Variants in PTPRN2 observed in about 807,000 individuals in gnomAD.
The protein encoded by PTPRN2 is protein tyrosine phosphatase receptor type N2.
PTPRN2 carries 74 observed loss-of-function variants against 118.8 expected under a neutral mutation model. The observed-to-expected ratio is 0.62, with a 90% CI of 0.52 to 0.76. The LOEUF is 0.76. Among genes scored for constraint, PTPRN2 ranks in the 30% least tolerant of loss-of-function variants. PTPRN2 has a pLI of 0.00. For missense variants in PTPRN2, 1,481 were observed against 1,394.4 expected (o/e 1.06, Z -0.99); for synonymous variants, 641 against 608.0 (o/e 1.05, Z -0.80).
chr7:157,956,367 G>A (rs544397567), intron 11 of PTPRN2, among the ~76,000 whole-genome samples: 2 of 152,288 alleles, frequency 1.3e-5, no homozygotes, highest in South Asian at 2.1e-4. Flanking sequence ...GGTGTCTACC[G>A]AGAGGGTTTT....
chr7:158,382,999 A>G (rs1811074737), intron 2 of PTPRN2, among the ~76,000 whole-genome samples: 1 of 152,184 alleles, frequency 6.6e-6, no homozygotes, highest in African/African-American at 2.4e-5. Context: ...CCCTGGTGCC[A>G]AAAAGGTTGG....
Position 157,787,703 on chromosome 7 carries a change from A to C in PTPRN2, c.1789-104766T>G, listed in dbSNP as rs1372916325. Among the ~76,000 whole-genome samples, 3 of 152,076 alleles carry C rather than the reference A, an allele frequency of 2.0e-5. No homozygotes were observed. In the East Asian group the frequency reaches 5.8e-4, roughly 29 times the overall value. On this transcript the variant is annotated intron_variant, in intron 12 of 22. Coordinates refer to ENST00000389418, the MANE Select transcript of PTPRN2 (RefSeq NM_002847.5). The surrounding 1 kb of genome is among the most constrained non-coding windows in gnomAD (Gnocchi z 5.3). Reference sequence around the variant, plus strand: ...TCTGTGGGAGACGGGGTGGTGTTTGAGCTGGTGCCATCTGGGTCCCCTGGG... The same window carrying C: ...TCTGTGGGAGACGGGGTGGTGTTTGCGCTGGTGCCATCTGGGTCCCCTGGG...
intron 9 of PTPRN2, among the ~76,000 whole-genome samples, chr7:158,114,413 A>G (rs1006795062): frequency 1.3e-5 from 2 of 152,218 alleles, no homozygotes; most frequent in Non-Finnish European, 2.9e-5. Flanking sequence ...AAAATCAGCA[A>G]CAAAGCCACA....
chr7:157,543,871 G>A (rs766406139), intron 22 of PTPRN2, among the ~76,000 whole-genome samples: 37 of 152,204 alleles, frequency 2.4e-4, no homozygotes, highest in Non-Finnish European at 4.4e-4. Context: ...AAGCCACACC[G>A]TGAGAGTTGA....
intron 11 of PTPRN2, among the ~76,000 whole-genome samples, chr7:157,975,388 C>A (rs946248465): frequency 6.6e-6 from 1 of 152,180 alleles, no homozygotes; most frequent in African/African-American, 2.4e-5. Context: ...TCTCCAGACA[C>A]CCCAATCTCC....
intron 12 of PTPRN2, among the ~76,000 whole-genome samples, chr7:157,888,269 G>A (rs1436942053): frequency 2.0e-5 from 3 of 151,988 alleles, no homozygotes; most frequent in South Asian, 2.1e-4. Context: ...ACCATCAAAC[G>A]CACTGTTACC....
chr7:157,920,385 C>T (rs553178654), intron 11 of PTPRN2, among the ~76,000 whole-genome samples: 2 of 152,322 alleles, frequency 1.3e-5, no homozygotes, highest in African/African-American at 4.8e-5. Flanking sequence ...GGAGCGCCAG[C>T]ACCAAGCGCA....
Position 158,311,099 on chromosome 7 carries a change from C to T in PTPRN2, c.277+5720G>A, listed in dbSNP as rs572700779. Among the ~76,000 whole-genome samples, 18 of 152,212 alleles carry T rather than the reference C, an allele frequency of 1.2e-4. No individual in the cohort carries two copies. In the Middle Eastern group the frequency reaches 0.01, roughly 86 times the overall value. Reference sequence around the variant, plus strand: ...ACAAGACAGGCGAGCACAGGGAGGGCGCAAATAGAGTGGGCAAGGAGGAGG... The same window carrying T: ...ACAAGACAGGCGAGCACAGGGAGGGTGCAAATAGAGTGGGCAAGGAGGAGG... On this transcript the variant is annotated intron_variant, in intron 3 of 22. Transcript: ENST00000389418.
rs557386514 is a variant in PTPRN2 at position 158,438,711 on chromosome 7, C to A, written c.163+51024G>T. ...AAATACACTTTAGGCTGATGCCCAG[C>A]TGATTAGCATATAGGGTTTAGTGAC... On this transcript the variant is annotated intron_variant, in intron 2 of 22. Coordinates refer to ENST00000389418, the MANE Select transcript of PTPRN2 (RefSeq NM_002847.5). The surrounding 1 kb of genome is among the most constrained non-coding windows in gnomAD (Gnocchi z 4.7). Among the ~76,000 whole-genome samples, 2 of 152,168 alleles carry A rather than the reference C, an allele frequency of 1.3e-5. No homozygotes were observed. The highest frequency in any genetic ancestry group is 2.9e-5 in the Non-Finnish European group (2 of 68,030).
chr7:157,746,174 A>G (rs11978592), intron 12 of PTPRN2, among the ~76,000 whole-genome samples: 5 of 113,370 alleles, frequency 4.4e-5, no homozygotes, highest in African/African-American at 1.5e-4. Flanking sequence ...CCTGAGCATG[A>G]AGATCACGGG....
intron 3 of PTPRN2, among the ~76,000 whole-genome samples, chr7:158,306,644 G>GCAA (rs568049984): frequency 5.3e-5 from 8 of 152,064 alleles, no homozygotes; most frequent in South Asian, 2.1e-4. Flanking sequence ...ACAATAAACA[G>GCAA]CAACAACAAC....
chr7:157,652,881 G>T (rs1382561165), intron 14 of PTPRN2, among the ~76,000 whole-genome samples: 1 of 152,216 alleles, frequency 6.6e-6, no homozygotes, highest in Admixed American at 6.5e-5. Context: ...TGTTACTCCG[G>T]GTCTCCAGCA....
At position 157,926,204 on chromosome 7, in the gene PTPRN2, T is replaced by C. The variant is rs77561091; in HGVS notation, c.1724-27467A>G. ...ACAGCCACAGGAAGCTGAGGGTCCA[T>C]GCATTACCTCCCTCTATCTATCTAC... On this transcript the variant is annotated intron_variant, in intron 11 of 22. Transcript: ENST00000389418. Among the ~76,000 whole-genome samples the C allele has an allele frequency of 6.3e-5, 5 of 79,910 alleles. No individual in the cohort carries two copies. The East Asian group carries it at 1.7e-3, about 27-fold the overall frequency. 52.4% of individuals were successfully genotyped at this position (79,910 alleles called of 152,430 possible). A position where few individuals can be genotyped will look rare whatever the true frequency, so the allele number is the denominator to read the frequency against.
At chr7:158,108,280 C>T (rs1157420194) in intron 10 of PTPRN2, among the ~76,000 whole-genome samples, 1 of 152,028 alleles carries the variant, frequency 6.6e-6, no homozygotes, top group Non-Finnish European at 1.5e-5. Context: ...GATCTCTGTG[C>T]TCCCATTGCC....
At chr7:158,266,409 G>A (rs201507166) in intron 3 of PTPRN2, among the ~76,000 whole-genome samples, 372 of 96,828 alleles carry the variant, frequency 3.8e-3, no homozygotes, top group Non-Finnish European at 5.1e-3. Flanking sequence ...TGTCTGCTGC[G>A]GGGTATTGTC....
intron 20 of PTPRN2, among the ~76,000 whole-genome samples, chr7:157,569,293 T>C (rs541664316): frequency 7.7e-4 from 118 of 152,372 alleles, no homozygotes; most frequent in African/African-American, 2.7e-3. Context: ...AGCGTTTGAC[T>C]GTGTCAGAGT....
intron 5 of PTPRN2, among the ~76,000 whole-genome samples, chr7:158,172,520 CA>C (rs1289117456): frequency 6.6e-6 from 1 of 150,638 alleles, no homozygotes. Context: ...GCATCCCCAC[CA>C]TCATCACTTC....
At chr7:157,991,775 A>G (rs1471046641) in intron 11 of PTPRN2, among the ~76,000 whole-genome samples, 4 of 149,802 alleles carry the variant, frequency 2.7e-5, no homozygotes, top group African/African-American at 1.0e-4. Context: ...GCACCTAAGC[A>G]CCAAGCAAGA....
At chr7:157,605,197 G>A (rs996827884) in intron 15 of PTPRN2, among the ~76,000 whole-genome samples, 1 of 152,252 alleles carries the variant, frequency 6.6e-6, no homozygotes, top group African/African-American at 2.4e-5. Context: ...CACGGGGTCT[G>A]GCCACACCAG....
Sources: gnomAD v4.1 joint callset for allele counts (sites outside exome capture counted in the v4.1 genomes callset) on GRCh38, gnomAD v4.1.1 for gene constraint, Gnocchi (gnomAD v3.1) non-coding constraint, MANE v1.5 for transcripts, NCBI Gene and HGNC (gene_info 2026-07-23, HGNC 2026-07-21) for gene names.